The following CACNA1C variants were observed in gnomAD, a reference collection of about 807,000 sequenced individuals.
CACNA1C encodes calcium voltage-gated channel subunit alpha1 C.
Under a neutral mutation model 229.0 loss-of-function variants are expected in CACNA1C, and 30 were observed. The observed-to-expected ratio is 0.13, with a 90% CI of 0.10 to 0.18. CACNA1C has a LOEUF of 0.18. Ranked by LOEUF, CACNA1C falls within the 10% of genes least tolerant of loss-of-function variation. The pLI, the probability that CACNA1C is intolerant of heterozygous loss-of-function variation, is 1.00. For missense variants in CACNA1C, 1,658 were observed against 2,845.0 expected, an observed-to-expected ratio of 0.58 and a Z score of 9.49; for synonymous variants, 1,114 against 1,132.5, an observed-to-expected ratio of 0.98 and a Z score of 0.33.
Position 2,630,094 on chromosome 12 carries a change from G to A in CACNA1C, c.3829-4203G>A, listed in dbSNP as rs1440166638. On this transcript the variant is annotated intron_variant, in intron 29 of 46. Coordinates refer to ENST00000399655, the MANE Select transcript of CACNA1C (RefSeq NM_000719.7). This position sits in a 1 kb window ranked among gnomAD's most constrained non-coding sequence, Gnocchi z 5.4. ...GCAGCCCGCCCTGCGTGGCTCTGAG[G>A]AGCTGGACAGTAGAGGTTTGGTTTG... 6.6e-6 allele frequency among the ~76,000 whole-genome samples: 1 copy of A among 152,198 alleles called. No individual in the cohort carries two copies. Among genetic ancestry groups the A allele is most frequent in the Non-Finnish European group, 1.5e-5 (1 of 68,042 alleles).
intron 3 of CACNA1C, among the ~76,000 whole-genome samples, chr12:2,366,603 A>T (rs1371381096): frequency 1.3e-5 from 2 of 152,220 alleles, no homozygotes. Context: ...TATAAAGGTT[A>T]AAAATCCGGG....
chr12:2,359,643 A>C (rs2097500369), intron 3 of CACNA1C, among the ~76,000 whole-genome samples: 2 of 151,950 alleles, frequency 1.3e-5, no homozygotes, highest in South Asian at 2.1e-4. Flanking sequence ...GCATTTAGAG[A>C]AAAGCGGGGA....
rs994856138 is a variant in CACNA1C at position 2,651,830 on chromosome 12, C to T, written c.4074+62C>T. The T allele has an allele frequency of 1.5e-6, 2 of 1,350,770 alleles. No individual in the cohort carries two copies. Among genetic ancestry groups the T allele is most frequent in the Non-Finnish European group, 2.0e-6 (2 of 984,094 alleles). The allele number at this position is 1,350,770 out of a possible 1,614,324, so 83.7% of individuals were successfully genotyped here. Reference sequence around the variant, plus strand: ...CAGGGCTGCCGCGTGGCCCAGAACACAGCTGACACAAGGAGGAGCCCTCCA... The same window carrying T: ...CAGGGCTGCCGCGTGGCCCAGAACATAGCTGACACAAGGAGGAGCCCTCCA... On this transcript the variant is annotated intron_variant, in intron 32 of 46. Transcript: ENST00000399655. This position sits in a 1 kb window ranked among gnomAD's most constrained non-coding sequence, Gnocchi z 5.4.
chr12:2,195,487 T>C (rs765033759), intron 3 of CACNA1C, among the ~76,000 whole-genome samples: 27 of 152,198 alleles, frequency 1.8e-4, no homozygotes, highest in Non-Finnish European at 2.9e-4. Flanking sequence ...AGATCTATGA[T>C]TTGTTGTTTC....
rs114709908 is a variant in CACNA1C, at chr12:2,126,836, G to A, written c.477+6406G>A. ...ACTTCACAGGACATGCCCAGCACAG[G>A]CGAATGTGTGTTGCTCTTTGGAACT... On this transcript the variant is annotated intron_variant, in intron 3 of 46. Transcript: ENST00000399655. 4.2e-3 allele frequency among the ~76,000 whole-genome samples: 635 copies of A among 152,340 alleles called. 2 individuals carry two copies. The highest frequency in any genetic ancestry group is 0.014 in the African/African-American group (597 of 41,582).
chr12:2,070,829 C>CT (rs918460225), intron 1 of CACNA1C, among the ~76,000 whole-genome samples: 4 of 151,332 alleles, frequency 2.6e-5, no homozygotes, highest in South Asian at 2.1e-4. Flanking sequence ...CCCTTCCTTT[C>CT]TTTTTTTTTC....
intron 1 of CACNA1C, among the ~76,000 whole-genome samples, chr12:2,059,278 AG>A (rs2056506873): frequency 6.6e-6 from 1 of 151,846 alleles, no homozygotes; most frequent in Admixed American, 6.6e-5. Flanking sequence ...GGTGTCTGGG[AG>A]GGTTTGGGGA....
intron 3 of CACNA1C, among the ~76,000 whole-genome samples, chr12:2,325,999 C>T (rs754959717): frequency 1.3e-5 from 2 of 152,140 alleles, no homozygotes; most frequent in Admixed American, 6.5e-5. Flanking sequence ...CCCCTGAGGA[C>T]GGCTGTGAGG....
At chr12:2,553,581 C>T (rs548618314) in intron 10 of CACNA1C, among the ~76,000 whole-genome samples, 1 of 152,316 alleles carries the variant, frequency 6.6e-6, no homozygotes, top group South Asian at 2.1e-4. Context: ...CATAAATGTG[C>T]AGTCAGCCGT....
chr12:2,224,040 G>A (rs1053933365), intron 3 of CACNA1C, among the ~76,000 whole-genome samples: 5 of 152,294 alleles, frequency 3.3e-5, no homozygotes, highest in African/African-American at 4.8e-5. Flanking sequence ...AAAGTTGGAT[G>A]TATCATTTGA....
At chr12:2,101,959 A>G (rs570081647) in intron 1 of CACNA1C, among the ~76,000 whole-genome samples, 2 of 152,310 alleles carry the variant, frequency 1.3e-5, no homozygotes, top group Admixed American at 6.5e-5. Context: ...ATTATGGGGA[A>G]AAAAGCCTTG....
At chr12:2,662,587 A>G (rs1398374706) in intron 34 of CACNA1C, among the ~76,000 whole-genome samples, 1 of 152,220 alleles carries the variant, frequency 6.6e-6, no homozygotes, top group Non-Finnish European at 1.5e-5. Context: ...TCTCAGTGCA[A>G]TTCTAATAAG....
rs542461118 is a variant in CACNA1C at position 2,127,820 on chromosome 12, C to T, written c.477+7390C>T. Among the ~76,000 whole-genome samples, 5 of 152,280 alleles carry T rather than the reference C, an allele frequency of 3.3e-5. No individual in the cohort carries two copies. In the East Asian group the frequency reaches 9.6e-4, roughly 29 times the overall value. ...CTGAACTGTGTGGCCTTAGGTCAGTCACTTAACCTCTCTGTTGGTATCTCT... is the reference window on the plus strand; with the variant it reads ...CTGAACTGTGTGGCCTTAGGTCAGTTACTTAACCTCTCTGTTGGTATCTCT... On this transcript the variant is annotated intron_variant, in intron 3 of 46. Transcript: ENST00000399655.
intron 5 of CACNA1C, among the ~76,000 whole-genome samples, chr12:2,466,901 C>G (rs1052794742): frequency 6.6e-6 from 1 of 152,168 alleles, no homozygotes. Flanking sequence ...TTCTCACCCC[C>G]TCTCATGTCC....
chr12:2,066,469 C>T (rs1044072582), intron 1 of CACNA1C, among the ~76,000 whole-genome samples: 2 of 152,002 alleles, frequency 1.3e-5, no homozygotes, highest in African/African-American at 2.4e-5. Flanking sequence ...AGGAGGCCGT[C>T]ATTGCTGAAT....
rs1378828597 is a variant in CACNA1C at position 2,140,219 on chromosome 12, G to A, written c.477+19789G>A. On this transcript the variant is annotated intron_variant, in intron 3 of 46. Transcript: ENST00000399655. ...AGGGACAGGCCCCAGCTCACTCTGGGAACAGTCACGGTGGGTGGACGATTT... is the reference window on the plus strand; with the variant it reads ...AGGGACAGGCCCCAGCTCACTCTGGAAACAGTCACGGTGGGTGGACGATTT... Among the ~76,000 whole-genome samples the A allele has an allele frequency of 1.3e-5, 2 of 151,292 alleles. 1 individual carries two copies. Among genetic ancestry groups the A allele is most frequent in the Admixed American group, 1.3e-4 (2 of 15,074 alleles).
chr12:2,430,104 C>T (rs1019271842), intron 3 of CACNA1C, among the ~76,000 whole-genome samples: 1 of 152,098 alleles, frequency 6.6e-6, no homozygotes, highest in African/African-American at 2.4e-5. Context: ...TGTGTCCTCA[C>T]ATGGTGGAAG....
chr12:2,506,366 G>A lies in CACNA1C; in HGVS notation c.1217+1421G>A, dbSNP rs117705543. 4.3e-4 allele frequency among the ~76,000 whole-genome samples: 65 copies of A among 152,290 alleles called. No homozygotes were observed. The East Asian group carries it at 0.011, about 27-fold the overall frequency. ...ACCCTGAATCAAAGCAGAAATTGAG[G>A]CATCCCAGCTCTGCCCTTGCTGGGT... On this transcript the variant is annotated intron_variant, in intron 8 of 46. Transcript: ENST00000399655.
At chr12:2,209,985 C>T (rs961481329) in intron 3 of CACNA1C, among the ~76,000 whole-genome samples, 3 of 152,114 alleles carry the variant, frequency 2.0e-5, no homozygotes, top group Non-Finnish European at 2.9e-5. Context: ...TAACACATGC[C>T]AGAGAAGGAA....
Sources: gnomAD v4.1 joint callset for allele counts (sites outside exome capture counted in the v4.1 genomes callset) on GRCh38, gnomAD v4.1.1 for gene constraint, Gnocchi (gnomAD v3.1) non-coding constraint, MANE v1.5 for transcripts, NCBI Gene and HGNC (gene_info 2026-07-23, HGNC 2026-07-21) for gene names.